ZC3H8: variants seen among roughly 807,000 people sequenced by gnomAD.
The protein encoded by ZC3H8 is zinc finger CCCH-type containing 8.
ZC3H8 carries 27 observed loss-of-function variants against 42.5 expected under a neutral mutation model. That is an observed-to-expected ratio of 0.64 (90% CI 0.47 to 0.88). The LOEUF (loss-of-function observed/expected upper bound fraction) is 0.88. Among genes scored for constraint, ZC3H8 ranks in the 40% least tolerant of loss-of-function variants. The probability of loss-of-function intolerance (pLI) is 0.00; values close to 1 mark genes in which losing one functional copy is unlikely to be tolerated. For missense variants in ZC3H8, 277 were observed against 336.1 expected (o/e 0.82, Z 1.37); for synonymous variants, 101 against 110.1 (o/e 0.92, Z 0.52).
intron 5 of ZC3H8, among the ~76,000 whole-genome samples, chr2:112,233,573 C>T (rs1483501760): frequency 1.3e-5 from 2 of 152,150 alleles, no homozygotes; most frequent in Non-Finnish European, 2.9e-5. Flanking sequence ...CATTTTTAAA[C>T]ATAAAGCATT....
rs34453808 is a variant in ZC3H8 at position 112,232,314 on chromosome 2, CAAA to C, written c.734-370_734-368del. ...TGGGCAACAGAGCAAGATAATGTCT[CAAA>C]AAAAAAAAAAAAAAAAAGACCTTTC... On this transcript the variant is annotated intron_variant, in intron 6 of 8. Transcript: ENST00000409573. 3.6e-4 allele frequency among the ~76,000 whole-genome samples: 26 copies of C among 71,600 alleles called. No individual in the cohort carries two copies. The South Asian group carries it at 0.01, about 29-fold the overall frequency. The allele number at this position is 71,600 out of a possible 152,430, so 47.0% of individuals were successfully genotyped here.
At chr2:112,231,042 T>A (rs560534509) in intron 7 of ZC3H8, 92 bp from the exon 8 acceptor site, 1 of 821,542 alleles carries the variant, frequency 1.2e-6, no homozygotes, top group Non-Finnish European at 1.6e-6. Context: ...ATGATTCCAA[T>A]CAAATTCATC....
At chr2:112,219,806 A>C (rs183963511) in intron 8 of ZC3H8, among the ~76,000 whole-genome samples, 3 of 152,164 alleles carry the variant, frequency 2.0e-5, no homozygotes, top group African/African-American at 7.2e-5. Flanking sequence ...TATAGAGTTC[A>C]GGTCCCAAAC....
At chr2:112,236,489 T>G in intron 4 of ZC3H8, 73 bp downstream of exon 4, 1 of 1,566,086 alleles carries the variant, frequency 6.4e-7, no homozygotes, top group East Asian at 2.3e-5. Flanking sequence ...TAGCACTTCT[T>G]GTCACTGAAG....
At position 112,220,337 on chromosome 2, in the gene ZC3H8, C is replaced by G. The variant is rs117118011; in HGVS notation, c.*16-3869G>C. Among the ~76,000 whole-genome samples the G allele has an allele frequency of 5.3e-4, 81 of 152,310 alleles. 1 individual carries two copies. In the East Asian group the frequency reaches 0.014, roughly 27 times the overall value. On this transcript the variant is annotated intron_variant, in intron 8 of 8. Transcript: ENST00000409573. ...ACTCCCTTCAGGACCTCTTGTAAGG[C>G]AGGTCTGGTGGTAACAAATTCCCTT...
chr2:112,238,695 GA>G, intron 2 of ZC3H8, 167 bp from the exon 3 acceptor site: 2 of 459,630 alleles, frequency 4.4e-6, no homozygotes, highest in Non-Finnish European at 7.3e-6. Flanking sequence ...AAAATTTCCA[GA>G]ATTAAAAAAA....
At chr2:112,234,886 G>C (rs1452876258) in intron 4 of ZC3H8, among the ~76,000 whole-genome samples, 1 of 152,122 alleles carries the variant, frequency 6.6e-6, no homozygotes, top group African/African-American at 2.4e-5. Context: ...TAGAGTGGTA[G>C]AGACAAAGTT....
At chr2:112,227,677 C>T (rs1016751485) in intron 8 of ZC3H8, among the ~76,000 whole-genome samples, 1 of 152,202 alleles carries the variant, frequency 6.6e-6, no homozygotes, top group African/African-American at 2.4e-5. Context: ...TTTCTACATA[C>T]TACCAATGAA....
intron 2 of ZC3H8, among the ~76,000 whole-genome samples, chr2:112,238,915 T>C (rs564768409): frequency 6.6e-6 from 1 of 152,356 alleles, no homozygotes; most frequent in South Asian, 2.1e-4. Context: ...TTGACAGTAC[T>C]TTTAAATGTC....
intron 2 of ZC3H8, among the ~76,000 whole-genome samples, chr2:112,246,418 T>A (rs1685766071): frequency 1.3e-5 from 2 of 152,226 alleles, no homozygotes; most frequent in Admixed American, 6.5e-5. Context: ...TAGAAAGGAT[T>A]CACCATTTTA....
chr2:112,229,658 C>G (rs1436472189), intron 8 of ZC3H8, among the ~76,000 whole-genome samples: 2 of 152,148 alleles, frequency 1.3e-5, no homozygotes, highest in Non-Finnish European at 2.9e-5. Flanking sequence ...TCAGCCAACT[C>G]CCAGCCAATC....
Position 112,233,245 on chromosome 2 carries a change from T to G in ZC3H8, c.733+15A>C, listed in dbSNP as rs1480940820. 7.0e-7 allele frequency: 1 copy of G among 1,422,258 alleles called. No individual in the cohort carries two copies. Among genetic ancestry groups the G allele is most frequent in the Non-Finnish European group, 9.6e-7 (1 of 1,037,184 alleles). The allele number at this position is 1,422,258 out of a possible 1,614,324, so 88.1% of individuals were successfully genotyped here. On this transcript the variant is annotated intron_variant, in intron 6 of 8. Transcript: ENST00000409573. ...AAATATTTATAAAGTCACCATATCT[T>G]GTGATAAAGGATATTATGCAAATAC... is the stretch of plus-strand genomic sequence containing the variant.
At position 112,231,957 on chromosome 2, in the gene ZC3H8, G is replaced by A; in HGVS notation, c.734-10C>T. On this transcript the variant is annotated splice_polypyrimidine_tract_variant and intron_variant, in intron 6 of 8. Transcript: ENST00000409573. Reference sequence around the variant, plus strand: ...TTACAAGGATATTCATGTAACCCAAGTGTTAAGGAAGAGAACAATTTTAAT... The same window carrying A: ...TTACAAGGATATTCATGTAACCCAAATGTTAAGGAAGAGAACAATTTTAAT... The A allele has an allele frequency of 4.2e-6, 6 of 1,428,982 alleles. No individual in the cohort carries two copies. Among genetic ancestry groups the A allele is most frequent in the Non-Finnish European group, 5.8e-6 (6 of 1,033,530 alleles). The allele number at this position is 1,428,982 out of a possible 1,614,324, so 88.5% of individuals were successfully genotyped here.
intron 8 of ZC3H8, among the ~76,000 whole-genome samples, chr2:112,228,244 T>C (rs908644551): frequency 3.9e-5 from 6 of 152,170 alleles, no homozygotes; most frequent in African/African-American, 1.4e-4. Context: ...GGCTCACCTT[T>C]GTAATCCCAG....
At chr2:112,231,567 A>G (rs1185187451) in intron 7 of ZC3H8, among the ~76,000 whole-genome samples, 1 of 152,186 alleles carries the variant, frequency 6.6e-6, no homozygotes, top group Non-Finnish European at 1.5e-5. Flanking sequence ...TGCTTTGTTT[A>G]GCTTAGCTTA....
chr2:112,233,234 T>TAAAGA, intron 6 of ZC3H8, 26 bp downstream of exon 6: 1 of 1,275,632 alleles, frequency 7.8e-7, no homozygotes, highest in Non-Finnish European at 1.1e-6. Flanking sequence ...ATTTATAAAG[T>TAAAGA]CACCATATCT....
At chr2:112,235,356 G>A (rs1268981965) in intron 4 of ZC3H8, among the ~76,000 whole-genome samples, 1 of 152,162 alleles carries the variant, frequency 6.6e-6, no homozygotes, top group Non-Finnish European at 1.5e-5. Context: ...TAGAAGGGCT[G>A]TCAGCTTTGG....
intron 2 of ZC3H8, among the ~76,000 whole-genome samples, chr2:112,247,797 C>T (rs888172339): frequency 4.6e-5 from 7 of 152,018 alleles, no homozygotes; most frequent in South Asian, 2.1e-4. Context: ...ATATATAATA[C>T]GAAGTCTGGA....
chr2:112,242,756 A>G (rs1299345016), intron 2 of ZC3H8, among the ~76,000 whole-genome samples: 1 of 152,218 alleles, frequency 6.6e-6, no homozygotes, highest in Non-Finnish European at 1.5e-5. Flanking sequence ...GAGTAACAGA[A>G]AAATTAGAAA....
Sources: gnomAD v4.1 joint callset for allele counts (sites outside exome capture counted in the v4.1 genomes callset) on GRCh38, gnomAD v4.1.1 for gene constraint, MANE v1.5 for transcripts, NCBI Gene and HGNC (gene_info 2026-07-23, HGNC 2026-07-21) for gene names.